PIK3CD: variants seen among roughly 807,000 people sequenced by gnomAD.
PIK3CD encodes phosphatidylinositol-4,5-bisphosphate 3-kinase catalytic subunit delta.
A neutral mutation model predicts 122.9 loss-of-function variants in PIK3CD; 20 were observed. The observed-to-expected ratio is 0.16, with a 90% confidence interval of 0.11 to 0.24. The LOEUF (loss-of-function observed/expected upper bound fraction) is 0.24, where lower values mean the gene tolerates loss of function less well. Ranked by LOEUF, PIK3CD falls within the 10% of genes least tolerant of loss-of-function variation. The pLI, the probability that PIK3CD is intolerant of heterozygous loss-of-function variation, is 1.00. For missense variants in PIK3CD, 787 were observed against 1,406.3 expected, an observed-to-expected ratio of 0.56 and a Z score of 7.04; for synonymous variants, 596 against 593.4, an observed-to-expected ratio of 1.00 and a Z score of -0.06.
chr1:9,667,755 G>C (rs1173833097), intron 1 of PIK3CD, among the ~76,000 whole-genome samples: 1 of 102,074 alleles, frequency 9.8e-6, no homozygotes, highest in South Asian at 2.9e-4. Context: ...TTTTTTTTTT[G>C]AGATAGGGTC....
rs1647342294 is a variant in PIK3CD at position 9,715,924 on chromosome 1, A to G, written c.446A>G (p.Glu149Gly). Residue 149 changes from glutamate to glycine, a missense_variant, in exon 5 of 24, where the codon GAG (glutamate) becomes GGG (glycine). Transcript: ENST00000377346. The surrounding 1 kb of genome is among the most constrained non-coding windows in gnomAD (Gnocchi z 4.1). ...FRAKMCQFCEEAAARRQQLGW... is the reference protein window; with the variant it reads ...FRAKMCQFCEGAAARRQQLGW... ...GCCAAGATGTGCCAATTCTGCGAGGAGGCGGCCGCCCGCCGGCAGCAGCTG... is the reference window on the plus strand; with the variant it reads ...GCCAAGATGTGCCAATTCTGCGAGGGGGCGGCCGCCCGCCGGCAGCAGCTG... 1 of 1,611,880 alleles carries G rather than the reference A, an allele frequency of 6.2e-7. No individual in the cohort carries two copies. The highest frequency in any genetic ancestry group is 1.3e-5 in the African/African-American group (1 of 75,002).
rs1221225492 is a variant in PIK3CD at position 9,720,634 on chromosome 1, C to G, written c.1494C>G (p.Ser498Arg). ...AGATCTTGGAGCTGGGGCGACACAGCGAGTGTGTGCATGTCACCGAGGAGG... is the reference window on the plus strand; with the variant it reads ...AGATCTTGGAGCTGGGGCGACACAGGGAGTGTGTGCATGTCACCGAGGAGG... Reference protein sequence around the residue: ...LEKILELGRHSECVHVTEEEQ... With the variant: ...LEKILELGRHRECVHVTEEEQ... Residue 498 changes from serine (S) to arginine (R), a missense_variant, in exon 12 of 24, where the codon AGC becomes AGG. By Grantham distance (110) the Ser-to-Arg change is moderately radical (BLOSUM62 -1). Transcript: ENST00000377346. The surrounding 1 kb of genome is among the most constrained non-coding windows in gnomAD (Gnocchi z 9.0). 4 of 1,262,144 alleles carry G rather than the reference C, an allele frequency of 3.2e-6. No homozygotes were observed. Among genetic ancestry groups the G allele is most frequent in the Non-Finnish European group, 4.1e-6 (4 of 978,730 alleles). 78.2% of individuals were successfully genotyped at this position (1,262,144 alleles called of 1,614,324 possible). A position where few individuals can be genotyped will look rare whatever the true frequency, so the allele number is the denominator to read the frequency against.
intron 2 of PIK3CD, among the ~76,000 whole-genome samples, chr1:9,694,784 G>A (rs1165887201): frequency 6.6e-6 from 1 of 152,066 alleles, no homozygotes; most frequent in Non-Finnish European, 1.5e-5. Context: ...GCAACGTAGG[G>A]AAATCCTCTC....
chr1:9,642,332 C>T, the PIK3CD span, among the ~76,000 whole-genome samples: 1 of 151,442 alleles, frequency 6.6e-6, no homozygotes, highest in East Asian at 2.0e-4. Flanking sequence ...AGGCTGGTCT[C>T]GAACTCCTGA....
chr1:9,708,645 CGA>C (rs976632258), intron 2 of PIK3CD, among the ~76,000 whole-genome samples: 4 of 151,880 alleles, frequency 2.6e-5, no homozygotes, highest in Admixed American at 1.3e-4. Flanking sequence ...GTCAGGAGTT[CGA>C]GACCAACCTG....
chr1:9,685,165 C>G (rs919620781), intron 1 of PIK3CD, among the ~76,000 whole-genome samples: 5 of 152,020 alleles, frequency 3.3e-5, no homozygotes, highest in Admixed American at 2.0e-4. Context: ...TAATTAGGTC[C>G]CTCATTCTTG....
Position 9,715,481 on chromosome 1 carries a change from G to T in PIK3CD, c.142-60G>T. Reference sequence around the variant, plus strand: ...GAGGCCAGCTCTCCACCCTCCCTCAGCCTCCCACCTCCCAGTGGCTGCCTT... The same window carrying T: ...GAGGCCAGCTCTCCACCCTCCCTCATCCTCCCACCTCCCAGTGGCTGCCTT... On this transcript the variant is annotated intron_variant, in intron 3 of 23. Coordinates refer to ENST00000377346, the MANE Select transcript of PIK3CD (RefSeq NM_005026.5). This position sits in a 1 kb window ranked among gnomAD's most constrained non-coding sequence, Gnocchi z 4.1. 1 of 1,493,718 alleles carries T rather than the reference G, an allele frequency of 6.7e-7. No individual in the cohort carries two copies. 92.5% of individuals were successfully genotyped at this position (1,493,718 alleles called of 1,614,324 possible).
intron 1 of PIK3CD, chr1:9,660,819 A>T (rs1644989544): frequency 6.6e-6 from 1 of 152,126 alleles, no homozygotes; most frequent in Admixed American, 6.6e-5. Context: ...TTTGTATATA[A>T]AATGACTTTA....
intron 1 of PIK3CD, among the ~76,000 whole-genome samples, chr1:9,661,145 G>A (rs571772004): frequency 6.6e-6 from 1 of 152,216 alleles, no homozygotes; most frequent in East Asian, 1.9e-4. Context: ...GTGTTGGACA[G>A]GCTGGTCTCG....
chr1:9,715,733 C>T lies in PIK3CD; in HGVS notation c.334C>T (p.Leu112Phe). The T allele has an allele frequency of 3.1e-6, 5 of 1,613,454 alleles. No homozygotes were observed. The highest frequency in any genetic ancestry group is 4.2e-6 in the Non-Finnish European group (5 of 1,180,004). Residue 112 changes from leucine to phenylalanine, a missense_variant, in exon 4 of 24, where the codon CTC (leucine) becomes TTC (phenylalanine). Physicochemically the swap from Leu to Phe is conservative, Grantham distance 22. Transcript: ENST00000377346. This position sits in a 1 kb window ranked among gnomAD's most constrained non-coding sequence, Gnocchi z 4.1. The part of the protein sequence containing the change: ...VAREGDRVKK[L>F]INSQISLLIG... ...CCGTGAGGGCGACCGCGTGAAGAAG[C>T]TCATCAACTCACAGATCAGCCTCCT...
At chr1:9,669,593 T>A (rs1645262688) in intron 1 of PIK3CD, among the ~76,000 whole-genome samples, 1 of 152,142 alleles carries the variant, frequency 6.6e-6, no homozygotes, top group African/African-American at 2.4e-5. Context: ...CGCAAAGTAC[T>A]GGGATTACGG....
At position 9,719,846 on chromosome 1, in the gene PIK3CD, T is replaced by A; in HGVS notation, c.1243-75T>A. ...GGGCTCTGGGTCTTCTCGGGTGGGGTGCCTGGGGGAGGGCAGGGAAGCTGG... is the reference window on the plus strand; with the variant it reads ...GGGCTCTGGGTCTTCTCGGGTGGGGAGCCTGGGGGAGGGCAGGGAAGCTGG... On this transcript the variant is annotated intron_variant, in intron 9 of 23. Transcript: ENST00000377346. This position sits in a 1 kb window ranked among gnomAD's most constrained non-coding sequence, Gnocchi z 5.5. 1.7e-6 allele frequency: 2 copies of A among 1,174,360 alleles called. No homozygotes were observed. The highest frequency in any genetic ancestry group is 2.3e-5 in the East Asian group (1 of 42,854). The allele number at this position is 1,174,360 out of a possible 1,614,324, so 72.7% of individuals were successfully genotyped here. A position where few individuals can be genotyped will look rare whatever the true frequency, so the allele number is the denominator to read the frequency against.
Position 9,719,987 on chromosome 1 carries a change from C to T in PIK3CD, c.1309C>T (p.Arg437Cys), listed in dbSNP as rs28730673. Reference sequence around the variant, plus strand: ...CAAGGACCAGCTTAAGACCGGGGAACGCTGCCTCTACATGTGGCCCTCCGT... The same window carrying T: ...CAAGGACCAGCTTAAGACCGGGGAATGCTGCCTCTACATGTGGCCCTCCGT... ...DYKDQLKTGE[R>C]CLYMWPSVPD... Residue 437 changes from arginine (R) to cysteine (C), a missense_variant, in exon 10 of 24, where the codon CGC becomes TGC. Arg to Cys is a radical substitution (Grantham distance 180). Around this residue, in one of 6 missense-constraint regions of PIK3CD, gnomAD observed 592 missense variants for 920.6 expected, o/e 0.64. Transcript: ENST00000377346. This position sits in a 1 kb window ranked among gnomAD's most constrained non-coding sequence, Gnocchi z 5.5. The T allele has an allele frequency of 1.3e-4, 202 of 1,613,710 alleles. No homozygotes were observed. In the East Asian group the frequency reaches 3.0e-3, roughly 24 times the overall value.
intron 2 of PIK3CD, among the ~76,000 whole-genome samples, chr1:9,701,540 G>C (rs1379796092): frequency 6.6e-6 from 1 of 152,026 alleles, no homozygotes; most frequent in Non-Finnish European, 1.5e-5. Context: ...AGGCACAGTG[G>C]CAGACACCTG....
intron 1 of PIK3CD, among the ~76,000 whole-genome samples, chr1:9,679,700 C>T (rs1645676086): frequency 2.0e-5 from 3 of 152,194 alleles, no homozygotes; most frequent in African/African-American, 7.2e-5. Flanking sequence ...TTTGCCTCTT[C>T]TCCTCCTCCT....
rs1157183405 is a variant in PIK3CD at position 9,710,686 on chromosome 1, T to G, written c.141+90T>G. ...ATAGACAGACAGACAGACAGACAGATGGACAGGTGGACAGACGGACAGACA... is the reference window on the plus strand; with the variant it reads ...ATAGACAGACAGACAGACAGACAGAGGGACAGGTGGACAGACGGACAGACA... On this transcript the variant is annotated intron_variant, in intron 3 of 23. Transcript: ENST00000377346. The surrounding 1 kb of genome is among the most constrained non-coding windows in gnomAD (Gnocchi z 4.7). 7.4e-7 allele frequency: 1 copy of G among 1,356,290 alleles called. No individual in the cohort carries two copies. The highest frequency in any genetic ancestry group is 1.1e-6 in the Non-Finnish European group (1 of 950,240). 84.0% of individuals were successfully genotyped at this position (1,356,290 alleles called of 1,614,324 possible).
upstream of PIK3CD, among the ~76,000 whole-genome samples, chr1:9,647,982 C>T (rs1055856720): frequency 2.0e-5 from 3 of 152,186 alleles, no homozygotes; most frequent in Admixed American, 6.6e-5. Flanking sequence ...GACAAAAACT[C>T]AGCTATTTGC....
At chr1:9,638,731 C>A in the PIK3CD span, among the ~76,000 whole-genome samples, 928 of 68,636 alleles carry the variant, frequency 0.014, no homozygotes, top group Middle Eastern at 0.03. Context: ...GACTCCTTCT[C>A]AAAAAAAAAA....
chr1:9,707,658 G>A (rs1405320584), intron 2 of PIK3CD, among the ~76,000 whole-genome samples: 1 of 152,038 alleles, frequency 6.6e-6, no homozygotes, highest in African/African-American at 2.4e-5. Flanking sequence ...ATGGCCTCCA[G>A]CTCCATCCAT....
Sources: allele counts gnomAD v4.1 joint callset (sites outside exome capture counted in the v4.1 genomes callset), GRCh38; gene constraint gnomAD v4.1.1; regional missense constraint gnomAD v4.1.1; non-coding constraint Gnocchi (gnomAD v3.1); transcripts MANE v1.5; gene names NCBI Gene and HGNC (gene_info 2026-07-23, HGNC 2026-07-21).